The following TM9SF3 variants were observed in gnomAD, a reference collection of about 807,000 sequenced individuals.
TM9SF3 encodes the protein transmembrane 9 superfamily member 3.
In TM9SF3, 14 loss-of-function variants were observed where a neutral mutation model predicts 78.6. That is an observed-to-expected ratio of 0.18 (90% CI 0.12 to 0.28). The LOEUF is 0.28. TM9SF3 is among the 10% of genes least tolerant of loss of function. TM9SF3 has a pLI of 1.00. For missense variants in TM9SF3, 496 were observed against 721.9 expected, an observed-to-expected ratio of 0.69 and a Z score of 3.59; for synonymous variants, 231 against 241.7, an observed-to-expected ratio of 0.96 and a Z score of 0.41.
At chr10:96,572,232 C>T (rs1174858905) in intron 2 of TM9SF3, among the ~76,000 whole-genome samples, 2 of 152,200 alleles carry the variant, frequency 1.3e-5, no homozygotes, top group African/African-American at 2.4e-5. Flanking sequence ...TTGATAAATG[C>T]TCTACATGCA....
At chr10:96,551,482 A>G in intron 6 of TM9SF3, 71 bp from the exon 7 acceptor site, 1 of 1,180,808 alleles carries the variant, frequency 8.5e-7, no homozygotes, top group Non-Finnish European at 1.1e-6. Context: ...TAGTATGTAA[A>G]AATTACAGTT....
At chr10:96,562,216 G>A (rs1294818002) in intron 3 of TM9SF3, 78 bp from the exon 4 acceptor site, 1 of 560,868 alleles carries the variant, frequency 1.8e-6, no homozygotes, top group South Asian at 2.3e-5. Flanking sequence ...TGCTCATTAA[G>A]TTTTTTTTTT....
chr10:96,562,215 A>ATTTTT, intron 3 of TM9SF3, 77 bp from the exon 4 acceptor site: 26 of 952,922 alleles, frequency 2.7e-5, no homozygotes, highest in African/African-American at 8.2e-5. Context: ...ATGCTCATTA[A>ATTTTT]GTTTTTTTTT....
intron 9 of TM9SF3, among the ~76,000 whole-genome samples, chr10:96,543,344 C>CTTTTTTTTT (rs398014526): frequency 0.83 from 112,745 of 136,268 alleles, 47,125 homozygotes; most frequent in East Asian, 0.98. Flanking sequence ...TAGTGAGATT[C>CTTTTTTTTT]TTTTTTTTGA....
chr10:96,554,670 C>T (rs1234122090), intron 5 of TM9SF3, among the ~76,000 whole-genome samples: 1 of 152,130 alleles, frequency 6.6e-6, no homozygotes, highest in Non-Finnish European at 1.5e-5. Context: ...CTCGCCCCCA[C>T]CTCCCATCCC....
chr10:96,581,591 A>G (rs1848570338), intron 1 of TM9SF3, among the ~76,000 whole-genome samples: 1 of 152,240 alleles, frequency 6.6e-6, no homozygotes, highest in South Asian at 2.1e-4. Context: ...ATCATTGAGT[A>G]GAGCTGAAAA....
In TM9SF3 at chr10:96,562,029, A is replaced by G; in HGVS notation, c.531T>C (p.Ser177=). ...TTGGAACCAGTTTCACCTTTCCTTC[A>G]CTAGTTAGATTAACATCAACAATTC... ...GNRIVDVNLT[S]EGKVKLVPNT... The change falls in exon 4 of 15, where the codon AGT becomes AGC. Residue 177 remains serine, a synonymous_variant. Transcript: ENST00000371142. 3 of 1,613,490 alleles carry G rather than the reference A, an allele frequency of 1.9e-6. 1 individual carries two copies. In the East Asian group the frequency reaches 6.7e-5, roughly 36 times the overall value.
Position 96,576,625 on chromosome 10 carries a change from T to C in TM9SF3, c.298+9A>G. Reference sequence around the variant, plus strand: ...AATTGCATTGTAAGGACTATTAAGGTTTACTTACCTTTAAATTTAATATCC... The same window carrying C: ...AATTGCATTGTAAGGACTATTAAGGCTTACTTACCTTTAAATTTAATATCC... On this transcript the variant is annotated intron_variant, in intron 2 of 14. Coordinates refer to ENST00000371142, the MANE Select transcript of TM9SF3 (RefSeq NM_020123.4). 5 of 1,573,508 alleles carry C rather than the reference T, an allele frequency of 3.2e-6. No individual in the cohort carries two copies. The highest frequency in any genetic ancestry group is 4.3e-6 in the Non-Finnish European group (5 of 1,165,194).
At chr10:96,528,692 A>C (rs1183044832) in intron 11 of TM9SF3, among the ~76,000 whole-genome samples, 1 of 152,156 alleles carries the variant, frequency 6.6e-6, no homozygotes, top group Non-Finnish European at 1.5e-5. Context: ...ATTAAGAAAA[A>C]GATCTTTCAC....
chr10:96,566,716 CCT>C (rs907199721), intron 2 of TM9SF3, among the ~76,000 whole-genome samples: 4 of 152,084 alleles, frequency 2.6e-5, no homozygotes, highest in Non-Finnish European at 5.9e-5. Context: ...CAAAAAAAAC[CCT>C]GAGGCTGAGC....
intron 1 of TM9SF3, among the ~76,000 whole-genome samples, chr10:96,584,053 A>G (rs866203660): frequency 9.2e-5 from 14 of 152,238 alleles, no homozygotes; most frequent in Middle Eastern, 3.4e-3. Context: ...AAAACAAAAC[A>G]AACAAAAAAA....
chr10:96,550,393 G>C (rs951686644), intron 7 of TM9SF3, among the ~76,000 whole-genome samples: 1 of 152,148 alleles, frequency 6.6e-6, no homozygotes, highest in African/African-American at 2.4e-5. Flanking sequence ...TTTCAGCAAG[G>C]ATGTATTGCT....
At chr10:96,576,503 A>G in intron 2 of TM9SF3, 131 bp downstream of exon 2, 1 of 857,454 alleles carries the variant, frequency 1.2e-6, no homozygotes, top group Non-Finnish European at 1.7e-6. Context: ...GGACTCTGCT[A>G]GACATCCTAA....
At chr10:96,572,211 T>C (rs1408980677) in intron 2 of TM9SF3, among the ~76,000 whole-genome samples, 3 of 152,190 alleles carry the variant, frequency 2.0e-5, no homozygotes, top group African/African-American at 4.8e-5. Flanking sequence ...ATAAACTATA[T>C]ACCAGGAACT....
At chr10:96,577,414 C>T (rs559128627) in intron 1 of TM9SF3, 1 of 152,328 alleles carries the variant, frequency 6.6e-6, no homozygotes, top group Admixed American at 6.5e-5. Context: ...GCCTGAAAGA[C>T]ATGCACTATA....
At chr10:96,584,393 T>G (rs181793686) in intron 1 of TM9SF3, among the ~76,000 whole-genome samples, 63 of 152,320 alleles carry the variant, frequency 4.1e-4, no homozygotes, top group Middle Eastern at 3.4e-3. Flanking sequence ...TTCAAGAAAT[T>G]TAGAAAAAGC....
chr10:96,520,469 G>A lies in TM9SF3; in HGVS notation c.*1794C>T, dbSNP rs533242178. Reference sequence around the variant, plus strand: ...CCATCAATAGATAGGTACATATTTTGTAATGAAAACATCTTGTGTAACTAT... The same window carrying A: ...CCATCAATAGATAGGTACATATTTTATAATGAAAACATCTTGTGTAACTAT... On this transcript the variant is annotated 3_prime_UTR_variant, in exon 15 of 15. Coordinates refer to ENST00000371142, the MANE Select transcript of TM9SF3 (RefSeq NM_020123.4). 1.9e-5 allele frequency: 3 copies of A among 158,234 alleles called. No individual in the cohort carries two copies. The highest frequency in any genetic ancestry group is 4.1e-5 in the Non-Finnish European group (3 of 72,320). The allele number at this position is 158,234 out of a possible 1,614,324, so 9.8% of individuals were successfully genotyped here.
intron 4 of TM9SF3, chr10:96,560,564 T>C: frequency 1.4e-6 from 1 of 694,444 alleles, no homozygotes; most frequent in Admixed American, 1.8e-5. Flanking sequence ...AATCAGAAGA[T>C]GAACAGGAGG....
rs1361202809 is a variant in TM9SF3 at position 96,519,790 on chromosome 10, G to C, written c.*2473C>G. 6.6e-6 allele frequency: 1 copy of C among 151,412 alleles called. No individual in the cohort carries two copies. 9.4% of individuals were successfully genotyped at this position (151,412 alleles called of 1,614,324 possible). A position where few individuals can be genotyped will look rare whatever the true frequency, so the allele number is the denominator to read the frequency against. On this transcript the variant is annotated 3_prime_UTR_variant, in exon 15 of 15. Transcript: ENST00000371142. ...CTTCTTTAAGAAGACACACACACACGCACACACATACATACACTTATTCAA... is the reference window on the plus strand; with the variant it reads ...CTTCTTTAAGAAGACACACACACACCCACACACATACATACACTTATTCAA...
Sources: gnomAD v4.1 joint callset for allele counts (sites outside exome capture counted in the v4.1 genomes callset) on GRCh38, gnomAD v4.1.1 for gene constraint, MANE v1.5 for transcripts, NCBI Gene and HGNC (gene_info 2026-07-23, HGNC 2026-07-21) for gene names.